The following MYO1B variants were observed in gnomAD, a reference collection of about 807,000 sequenced individuals.
MYO1B encodes the protein myosin IB, also known as unconventional myosin-Ib.
A neutral mutation model predicts 159.7 loss-of-function variants in MYO1B; 72 were observed. The observed-to-expected ratio is 0.45, with a 90% CI of 0.37 to 0.55. The LOEUF (loss-of-function observed/expected upper bound fraction) is 0.55, where lower values mean the gene tolerates loss of function less well. Ranked by LOEUF, MYO1B falls within the 20% of genes least tolerant of loss-of-function variation. The pLI, the probability that MYO1B is intolerant of heterozygous loss-of-function variation, is 0.00. For missense variants in MYO1B, 1,062 were observed against 1,364.8 expected, an observed-to-expected ratio of 0.78 and a Z score of 3.50; for synonymous variants, 468 against 473.8, an observed-to-expected ratio of 0.99 and a Z score of 0.16.
chr2:191,316,969 G>A lies in MYO1B; in HGVS notation c.252-12966G>A, dbSNP rs1015569294. Among the ~76,000 whole-genome samples the A allele has an allele frequency of 2.0e-5, 3 of 152,148 alleles. No individual in the cohort carries two copies. In the South Asian group the frequency reaches 6.2e-4, roughly 32 times the overall value. On this transcript the variant is annotated intron_variant, in intron 3 of 30. Transcript: ENST00000392318. ...TGAGTGCCGCACCTCTGCAGGTTTC[G>A]GTGATTTTGTTGGTGCAGAAAACTT...
At chr2:191,295,694 A>G (rs948361199) in intron 2 of MYO1B, among the ~76,000 whole-genome samples, 5 of 152,128 alleles carry the variant, frequency 3.3e-5, no homozygotes, top group African/African-American at 4.8e-5. Context: ...GAACACTGGG[A>G]TACTGTTGAC....
chr2:191,402,687 C>G lies in MYO1B; in HGVS notation c.2525C>G (p.Ala842Gly). 6.2e-7 allele frequency: 1 copy of G among 1,613,618 alleles called. No individual in the cohort carries two copies. Among genetic ancestry groups the G allele is most frequent in the Non-Finnish European group, 8.5e-7 (1 of 1,179,722 alleles). Reference protein sequence around the residue: ...KEEARRKHAVAVIWAYWLGLK... With the variant: ...KEEARRKHAVGVIWAYWLGLK... ...GAGGCTAGGCGTAAGCATGCAGTTG[C>G]TGTCATTTGGGCTTACTGGCTTGGA... The change falls in exon 24 of 31, where the codon GCT (alanine) becomes GGT (glycine). Residue 842 changes from alanine (A) to glycine (G), a missense_variant. This residue lies in a region of MYO1B where 609 missense variants were observed against 744.4 expected (regional missense o/e 0.82). Coordinates refer to ENST00000392318, the MANE Select transcript of MYO1B (RefSeq NM_001130158.3).
chr2:191,268,520 A>G (rs1021721604), intron 1 of MYO1B, among the ~76,000 whole-genome samples: 1 of 152,142 alleles, frequency 6.6e-6, no homozygotes, highest in Admixed American at 6.5e-5. Context: ...CATGTCTCCT[A>G]TGAGGAATGG....
chr2:191,400,660 G>A (rs1172936822), intron 22 of MYO1B, 89 bp from the exon 23 acceptor site: 4 of 1,456,768 alleles, frequency 2.7e-6, no homozygotes, highest in Non-Finnish European at 3.8e-6. Flanking sequence ...GTGGTGACTA[G>A]TGTCTCTCTT....
At position 191,370,301 on chromosome 2, in the gene MYO1B, T is replaced by C; in HGVS notation, c.1185+9T>C. The C allele has an allele frequency of 6.2e-7, 1 of 1,608,316 alleles. No individual in the cohort carries two copies. The highest frequency in any genetic ancestry group is 8.5e-7 in the Non-Finnish European group (1 of 1,175,138). ...GCTTTGAGATTTTCGAGGTAAGATT[T>C]AAAATTTTTTTTGTATTGTCTTTAG... On this transcript the variant is annotated intron_variant, in intron 13 of 30. Coordinates refer to ENST00000392318, the MANE Select transcript of MYO1B (RefSeq NM_001130158.3).
intron 13 of MYO1B, among the ~76,000 whole-genome samples, chr2:191,373,070 T>C (rs1694477673): frequency 6.6e-6 from 1 of 151,994 alleles, no homozygotes; most frequent in Non-Finnish European, 1.5e-5. Context: ...CAGGATGGTC[T>C]CGATCTTTTG....
At position 191,416,249 on chromosome 2, in the gene MYO1B, TC is replaced by T; in HGVS notation, c.3287+8del. The T allele has an allele frequency of 6.2e-7, 1 of 1,613,998 alleles. No homozygotes were observed. Among genetic ancestry groups the T allele is most frequent in the African/African-American group, 1.3e-5 (1 of 75,042 alleles). ...ATATTGAGATTTCCGATGAGTACGT[TC>T]ATGTATTGTTTGAAAACCCTTTTTC... is the stretch of plus-strand genomic sequence containing the variant. On this transcript the variant is annotated splice_region_variant and intron_variant, in intron 30 of 30. Coordinates refer to ENST00000392318, the MANE Select transcript of MYO1B (RefSeq NM_001130158.3).
intron 19 of MYO1B, among the ~76,000 whole-genome samples, chr2:191,392,763 C>T (rs1695833281): frequency 6.6e-6 from 1 of 152,158 alleles, no homozygotes. Flanking sequence ...TTTCCAGCAT[C>T]TACCTTCCAT....
chr2:191,265,920 C>T (rs2125704911), intron 1 of MYO1B, among the ~76,000 whole-genome samples: 1 of 152,094 alleles, frequency 6.6e-6, no homozygotes, highest in African/African-American at 2.4e-5. Flanking sequence ...CTGCATGCTG[C>T]CCATTCTGGA....
At chr2:191,422,383 A>T (rs1697992986) in intron 30 of MYO1B, among the ~76,000 whole-genome samples, 1 of 152,142 alleles carries the variant, frequency 6.6e-6, no homozygotes, top group African/African-American at 2.4e-5. Context: ...TCCTCGCAGC[A>T]CCAGCACAGG....
chr2:191,387,306 G>A lies in MYO1B; in HGVS notation c.1637G>A (p.Ser546Asn), dbSNP rs1163097235. The A allele has an allele frequency of 1.1e-5, 18 of 1,614,158 alleles. No individual in the cohort carries two copies. Among genetic ancestry groups the A allele is most frequent in the Non-Finnish European group, 1.4e-5 (17 of 1,180,034 alleles). ...CTGTCCCAAGCCATGTGGAAGGCCAGCCATGCCCTCATCAAGTCTTTGTTC... is the reference window on the plus strand; with the variant it reads ...CTGTCCCAAGCCATGTGGAAGGCCAACCATGCCCTCATCAAGTCTTTGTTC... ...RDLSQAMWKA[S>N]HALIKSLFPE... Residue 546 changes from serine (S) to asparagine (N), a missense_variant, in exon 17 of 31, where the codon AGC becomes AAC. Physicochemically the swap from Ser to Asn is conservative, Grantham distance 46. Transcript: ENST00000392318.
intron 7 of MYO1B, among the ~76,000 whole-genome samples, chr2:191,358,207 T>C (rs1693425700): frequency 6.6e-6 from 1 of 152,214 alleles, no homozygotes; most frequent in African/African-American, 2.4e-5. Flanking sequence ...GATGCGAGCC[T>C]CATTTTCTCA....
chr2:191,372,411 T>G (rs575032097), intron 13 of MYO1B, among the ~76,000 whole-genome samples: 1 of 152,180 alleles, frequency 6.6e-6, no homozygotes, highest in Non-Finnish European at 1.5e-5. Flanking sequence ...GAAACACTTA[T>G]AACACTCAAA....
chr2:191,316,901 G>A (rs1344291668), intron 3 of MYO1B, among the ~76,000 whole-genome samples: 2 of 152,158 alleles, frequency 1.3e-5, no homozygotes, highest in Admixed American at 6.5e-5. Context: ...AAGATTTAAC[G>A]TGTGGAGTCT....
intron 1 of MYO1B, among the ~76,000 whole-genome samples, chr2:191,273,485 C>G (rs946062925): frequency 6.6e-6 from 1 of 152,164 alleles, no homozygotes; most frequent in Non-Finnish European, 1.5e-5. Flanking sequence ...CCTACCAACC[C>G]TCCTCATGAA....
chr2:191,277,074 T>G lies in MYO1B; in HGVS notation c.135+44T>G, dbSNP rs1030936512. ...CATCTGTAATGTTTAGACTTTGTAT[T>G]TTGTGCCAGAGAGCTGTCTTTTCTT... On this transcript the variant is annotated intron_variant, in intron 2 of 30. Transcript: ENST00000392318. 3.1e-6 allele frequency: 5 copies of G among 1,588,706 alleles called. No homozygotes were observed. In the African/African-American group the frequency reaches 6.8e-5, roughly 22 times the overall value.
intron 30 of MYO1B, among the ~76,000 whole-genome samples, chr2:191,422,113 G>A (rs1697976458): frequency 1.3e-5 from 2 of 152,208 alleles, no homozygotes; most frequent in African/African-American, 4.8e-5. Context: ...GCAGAGCTGT[G>A]GATCCTCACA....
At chr2:191,252,883 A>G (rs972548150) in intron 1 of MYO1B, among the ~76,000 whole-genome samples, 12 of 151,818 alleles carry the variant, frequency 7.9e-5, no homozygotes, top group African/African-American at 2.9e-4. Context: ...CTACTTCCCC[A>G]TTTTCTGTGA....
intron 24 of MYO1B, among the ~76,000 whole-genome samples, chr2:191,404,369 A>G (rs1696788184): frequency 6.6e-6 from 1 of 152,210 alleles, no homozygotes; most frequent in African/African-American, 2.4e-5. Flanking sequence ...ATGAGGCTCA[A>G]CTAAATATCG....
Sources: allele counts gnomAD v4.1 joint callset (sites outside exome capture counted in the v4.1 genomes callset), GRCh38; gene constraint gnomAD v4.1.1; regional missense constraint gnomAD v4.1.1; transcripts MANE v1.5; gene names NCBI Gene and HGNC (gene_info 2026-07-23, HGNC 2026-07-21).